Variants in RERE observed in about 807,000 individuals in gnomAD.
The protein encoded by RERE is arginine-glutamic acid dipeptide repeats.
In RERE, 40 loss-of-function variants were observed where a neutral mutation model predicts 146.1. The observed-to-expected ratio is 0.27, with a 90% CI of 0.21 to 0.36. The LOEUF (loss-of-function observed/expected upper bound fraction) is 0.36, where lower values mean the gene tolerates loss of function less well. Among genes scored for constraint, RERE ranks in the 10% least tolerant of loss-of-function variants. The pLI, the probability that RERE is intolerant of heterozygous loss-of-function variation, is 1.00. For missense variants in RERE, 1,933 were observed against 2,138.7 expected, an observed-to-expected ratio of 0.90 and a Z score of 1.90; for synonymous variants, 1,003 against 866.0, an observed-to-expected ratio of 1.16 and a Z score of -2.78.
intron 12 of RERE, among the ~76,000 whole-genome samples, chr1:8,374,216 C>T (rs1642151507): frequency 6.6e-6 from 1 of 152,176 alleles, no homozygotes. Context: ...ACCTCCAGAT[C>T]CTCTTCTGGG....
chr1:8,538,826 G>A (rs1645760460), intron 7 of RERE, among the ~76,000 whole-genome samples: 1 of 152,190 alleles, frequency 6.6e-6, no homozygotes, highest in Non-Finnish European at 1.5e-5. Flanking sequence ...TGCAGATCCT[G>A]TAAGTGTGCT....
chr1:8,421,458 G>GTT (rs1344064255), intron 12 of RERE, among the ~76,000 whole-genome samples: 1 of 151,974 alleles, frequency 6.6e-6, no homozygotes, highest in Non-Finnish European at 1.5e-5. Context: ...TCATAAACAG[G>GTT]TTTCTCTCTC....
At chr1:8,583,241 A>C (rs1177424015) in intron 4 of RERE, among the ~76,000 whole-genome samples, 1 of 152,224 alleles carries the variant, frequency 6.6e-6, no homozygotes, top group Non-Finnish European at 1.5e-5. Flanking sequence ...ACACAAAAAC[A>C]GATTAGAGAG....
At chr1:8,497,133 G>A (rs1557658627) in intron 9 of RERE, among the ~76,000 whole-genome samples, 1 of 152,120 alleles carries the variant, frequency 6.6e-6, no homozygotes, top group Non-Finnish European at 1.5e-5. Flanking sequence ...TGTATGTATG[G>A]CCTAAGCTGT....
At chr1:8,607,854 T>C (rs1208645143) in intron 4 of RERE, among the ~76,000 whole-genome samples, 1 of 151,292 alleles carries the variant, frequency 6.6e-6, no homozygotes, top group Non-Finnish European at 1.5e-5. Flanking sequence ...ACTTCCTAAG[T>C]AGCTGAGATT....
chr1:8,432,622 T>C (rs754958804), intron 11 of RERE, among the ~76,000 whole-genome samples: 5 of 152,208 alleles, frequency 3.3e-5, no homozygotes, highest in Admixed American at 6.5e-5. Context: ...TTCCACCAAA[T>C]TGTGGATTCC....
chr1:8,387,165 T>G (rs1373620293), intron 12 of RERE, among the ~76,000 whole-genome samples: 1 of 152,132 alleles, frequency 6.6e-6, no homozygotes, highest in Non-Finnish European at 1.5e-5. Context: ...TAGAAACAGA[T>G]TCACACTCTT....
intron 12 of RERE, among the ~76,000 whole-genome samples, chr1:8,395,121 C>A (rs1444995440): frequency 6.6e-6 from 1 of 152,110 alleles, no homozygotes; most frequent in Non-Finnish European, 1.5e-5. Flanking sequence ...GTATATTCCC[C>A]TTCTCCTGCC....
At chr1:8,505,410 TGA>T (rs1645236842) in intron 8 of RERE, among the ~76,000 whole-genome samples, 1 of 152,096 alleles carries the variant, frequency 6.6e-6, no homozygotes, top group African/African-American at 2.4e-5. Flanking sequence ...GGAAGAGGTG[TGA>T]GGGGGAATAA....
chr1:8,402,211 C>G (rs112949231), intron 12 of RERE, among the ~76,000 whole-genome samples: 1 of 152,132 alleles, frequency 6.6e-6, no homozygotes, highest in African/African-American at 2.4e-5. Context: ...GGCCACAGAA[C>G]GCAGCCAACC....
chr1:8,361,717 G>C, intron 17 of RERE, 46 bp downstream of exon 17: 1 of 1,510,918 alleles, frequency 6.6e-7, no homozygotes, highest in South Asian at 1.1e-5. Context: ...GGGGGCTTCT[G>C]AAGAAGCATT....
intron 4 of RERE, among the ~76,000 whole-genome samples, chr1:8,578,066 G>A (rs1408936513): frequency 6.6e-6 from 1 of 152,008 alleles, no homozygotes; most frequent in East Asian, 1.9e-4. Context: ...ACTCCAGCCT[G>A]GATGACAGAG....
chr1:8,422,208 G>C (rs1380905683), intron 12 of RERE, among the ~76,000 whole-genome samples: 2 of 152,118 alleles, frequency 1.3e-5, no homozygotes, highest in South Asian at 2.1e-4. Context: ...TTGTACATCT[G>C]TCCAGTGGAA....
At chr1:8,509,422 A>ATCCG (rs1385356366) in intron 7 of RERE, among the ~76,000 whole-genome samples, 12 of 83,940 alleles carry the variant, frequency 1.4e-4, no homozygotes, top group Middle Eastern at 4.5e-3. Flanking sequence ...CCATCCATCC[A>ATCCG]TCCATCCATC....
intron 1 of RERE, among the ~76,000 whole-genome samples, chr1:8,678,627 G>A (rs893202217): frequency 3.3e-5 from 5 of 151,880 alleles, no homozygotes; most frequent in South Asian, 2.1e-4. Flanking sequence ...GCAGGGAGGC[G>A]GAGGTTGCAG....
chr1:8,716,530 C>T (rs899872868), intron 1 of RERE, among the ~76,000 whole-genome samples: 1 of 151,482 alleles, frequency 6.6e-6, no homozygotes, highest in African/African-American at 2.4e-5. Flanking sequence ...AGATAAGTGA[C>T]AAAATAAATG....
intron 1 of RERE, among the ~76,000 whole-genome samples, chr1:8,813,408 G>T (rs1381799496): frequency 6.6e-6 from 1 of 151,990 alleles, no homozygotes. Flanking sequence ...AATTTTTTTT[G>T]ATCACTGATA....
At chr1:8,551,173 G>GGA (rs1645930871) in intron 6 of RERE, among the ~76,000 whole-genome samples, 1 of 152,176 alleles carries the variant, frequency 6.6e-6, no homozygotes, top group African/African-American at 2.4e-5. Flanking sequence ...TAATCAGAAA[G>GGA]CTGGAAAACA....
chr1:8,379,265 G>A (rs1490952679), intron 12 of RERE, among the ~76,000 whole-genome samples: 3 of 152,166 alleles, frequency 2.0e-5, no homozygotes, highest in Non-Finnish European at 4.4e-5. Context: ...AGTTTCCACA[G>A]GCAAGAGCCC....
Sources: gnomAD v4.1 joint callset for allele counts (sites outside exome capture counted in the v4.1 genomes callset) on GRCh38, gnomAD v4.1.1 for gene constraint, MANE v1.5 for transcripts, NCBI Gene and HGNC (gene_info 2026-07-23, HGNC 2026-07-21) for gene names.